SMIM22: variants seen among roughly 807,000 people sequenced by gnomAD.
SMIM22 encodes the protein cancer associated small integral membrane open reading frame 1.
SMIM22 carries 16 observed loss-of-function variants against 8.4 expected under a neutral mutation model. That is an observed-to-expected ratio of 1.90 (90% confidence interval 1.29 to 2.89). The LOEUF is 2.89. SMIM22 is among the 30% of genes most tolerant of loss of function. SMIM22 has a pLI of 0.00. For missense variants in SMIM22, 159 were observed against 107.5 expected, an observed-to-expected ratio of 1.48 and a Z score of -2.12; for synonymous variants, 67 against 47.6, an observed-to-expected ratio of 1.41 and a Z score of -1.68.
upstream of SMIM22, among the ~76,000 whole-genome samples, chr16:4,794,442 TGGA>T (rs1410338936): frequency 1.4e-5 from 2 of 144,624 alleles, no homozygotes; most frequent in Non-Finnish European, 3.0e-5. Flanking sequence ...TTTTTTGAGA[TGGA>T]GTTTTGCTCT....
chr16:4,792,363 TG>T (rs2082564418), upstream of SMIM22, among the ~76,000 whole-genome samples: 1 of 151,542 alleles, frequency 6.6e-6, no homozygotes, highest in South Asian at 2.1e-4. Context: ...GCTAATTTTT[TG>T]TATTTTTAGT....
At chr16:4,795,594 G>C (rs1217703943) in intron 1 of SMIM22, 121 bp from the exon 2 acceptor site, 2 of 1,218,256 alleles carry the variant, frequency 1.6e-6, no homozygotes, top group Admixed American at 5.3e-5. Context: ...TGGAGTGGGA[G>C]GGGGTGGGGA....
chr16:4,794,523 T>C (rs960274718), upstream of SMIM22, among the ~76,000 whole-genome samples: 1 of 150,256 alleles, frequency 6.7e-6, no homozygotes, highest in Non-Finnish European at 1.5e-5. Flanking sequence ...CGGGTTCAAG[T>C]GATTCTCCTG....
At chr16:4,794,280 TG>T (rs1239963236), upstream of SMIM22, among the ~76,000 whole-genome samples, 1 of 151,912 alleles carries the variant, frequency 6.6e-6, no homozygotes, top group Non-Finnish European at 1.5e-5. Context: ...GCTAATTTTT[TG>T]TATTTTTAGT....
upstream of SMIM22, among the ~76,000 whole-genome samples, chr16:4,793,221 C>T (rs977951651): frequency 2.6e-5 from 4 of 151,954 alleles, no homozygotes; most frequent in Admixed American, 2.0e-4. Context: ...GGAATGCCAC[C>T]ACCCTCTAGA....
rs1186259682 is a variant in SMIM22 at position 4,795,451 on chromosome 16, T to G, written c.-21+2T>G. ...GGGGGAATTGGAGGCTTCTAGGAGG[T>G]AGGTGGGGGCCTGGGGGCTGGGCTG... On this transcript the variant is annotated splice_donor_variant, in intron 1 of 3. Coordinates refer to ENST00000586005, the MANE Select transcript of SMIM22 (RefSeq NM_001253794.2). LOFTEE classifies it low-confidence loss of function (5UTR_SPLICE). 2.3e-6 allele frequency: 1 copy of G among 441,704 alleles called. No individual in the cohort carries two copies. Among genetic ancestry groups the G allele is most frequent in the Non-Finnish European group, 4.1e-6 (1 of 244,060 alleles). 27.4% of individuals were successfully genotyped at this position (441,704 alleles called of 1,614,324 possible).
Position 4,796,386 on chromosome 16 carries a change from A to G in SMIM22, c.*155A>G. 1 of 848,900 alleles carries G rather than the reference A, an allele frequency of 1.2e-6. No homozygotes were observed. Among genetic ancestry groups the G allele is most frequent in the East Asian group, 2.7e-5 (1 of 37,320 alleles). The allele number at this position is 848,900 out of a possible 1,614,324, so 52.6% of individuals were successfully genotyped here. A position where few individuals can be genotyped will look rare whatever the true frequency, so the allele number is the denominator to read the frequency against. ...CCTCTCCAAGCCTTCAGTCAGCACG[A>G]CTGTGCCAGGTCATCCTCAGTCACC... On this transcript the variant is annotated 3_prime_UTR_variant, in exon 4 of 4. Coordinates refer to ENST00000586005, the MANE Select transcript of SMIM22 (RefSeq NM_001253794.2).
At position 4,796,356 on chromosome 16, in the gene SMIM22, C is replaced by G. The variant is rs1382497866; in HGVS notation, c.*125C>G. 1 of 1,118,894 alleles carries G rather than the reference C, an allele frequency of 8.9e-7. No homozygotes were observed. Among genetic ancestry groups the G allele is most frequent in the African/African-American group, 1.6e-5 (1 of 64,394 alleles). The allele number at this position is 1,118,894 out of a possible 1,614,324, so 69.3% of individuals were successfully genotyped here. On this transcript the variant is annotated 3_prime_UTR_variant, in exon 4 of 4. Transcript: ENST00000586005. The stretch of plus-strand genomic sequence containing the variant: ...ACTCGCCGCCCCACTCAGGTGGCCA[C>G]CTGGCCTCTCCAAGCCTTCAGTCAG...
upstream of SMIM22, among the ~76,000 whole-genome samples, chr16:4,792,734 G>A (rs9674422): frequency 0.12 from 17,758 of 150,346 alleles, 1,998 homozygotes; most frequent in African/African-American, 0.3. Context: ...CCCAGGAAGC[G>A]GAGGTTGCAG....
At chr16:4,790,618 T>C (rs1041165338), upstream of SMIM22, among the ~76,000 whole-genome samples, 3 of 152,032 alleles carry the variant, frequency 2.0e-5, no homozygotes, top group Non-Finnish European at 4.4e-5. Flanking sequence ...CGAAACCCCA[T>C]CTCTACTAAA....
chr16:4,796,135 T>TC (rs1294675948), intron 3 of SMIM22, 55 bp from the exon 4 acceptor site: 1 of 1,535,602 alleles, frequency 6.5e-7, no homozygotes, highest in East Asian at 2.4e-5. Context: ...AGGGTGCTCA[T>TC]CCCCCTAGGG....
chr16:4,794,912 T>C (rs535713095), upstream of SMIM22: 7 of 152,434 alleles, frequency 4.6e-5, no homozygotes, highest in African/African-American at 1.7e-4. Context: ...ATAGAGTATA[T>C]GCACAGGTTA....
upstream of SMIM22, among the ~76,000 whole-genome samples, chr16:4,792,111 G>C (rs182475357): frequency 3.7e-3 from 556 of 152,326 alleles, 3 homozygotes; most frequent in African/African-American, 0.013. Flanking sequence ...CTGAGGGCCA[G>C]AGGGGAGAGG....
chr16:4,796,133 C>G, intron 3 of SMIM22, 57 bp from the exon 4 acceptor site: 1 of 1,535,826 alleles, frequency 6.5e-7, no homozygotes. Flanking sequence ...GAAGGGTGCT[C>G]ATCCCCCTAG....
chr16:4,790,164 T>C (rs2082530044), intron 2 of SMIM22: 1 of 152,156 alleles, frequency 6.6e-6, no homozygotes, highest in Non-Finnish European at 1.5e-5. Flanking sequence ...TCCAGCTGCC[T>C]CAGCCTCCCA....
chr16:4,790,659 G>A (rs1250606748), upstream of SMIM22, among the ~76,000 whole-genome samples: 3 of 152,148 alleles, frequency 2.0e-5, no homozygotes, highest in African/African-American at 7.2e-5. Context: ...TTGGTGGCGG[G>A]CACCTGTAGT....
chr16:4,788,918 AG>A, intron 2 of SMIM22: 1 of 152,304 alleles, frequency 6.6e-6, no homozygotes, highest in Non-Finnish European at 1.5e-5. Flanking sequence ...TGTATCTTAG[AG>A]GTTATCACCC....
upstream of SMIM22, among the ~76,000 whole-genome samples, chr16:4,794,313 T>C (rs1353889991): frequency 6.6e-6 from 1 of 151,994 alleles, no homozygotes; most frequent in African/African-American, 2.4e-5. Flanking sequence ...TTTACCGTGT[T>C]ACCCAGGATG....
upstream of SMIM22, among the ~76,000 whole-genome samples, chr16:4,794,084 C>T (rs147666038): frequency 5.6e-3 from 834 of 148,584 alleles, 8 homozygotes; most frequent in African/African-American, 0.02. Context: ...TACAGGTGCC[C>T]GCCACCACAG....
Sources: allele counts gnomAD v4.1 joint callset (sites outside exome capture counted in the v4.1 genomes callset), GRCh38; gene constraint gnomAD v4.1.1; transcripts MANE v1.5; gene names NCBI Gene and HGNC (gene_info 2026-07-23, HGNC 2026-07-21).